Variants in MVP observed in about 807,000 individuals in gnomAD.
MVP encodes the protein lung resistance-related protein.
In MVP, 62 loss-of-function variants were observed where a neutral mutation model predicts 83.5. The ratio of observed to expected loss-of-function variants is 0.74; its 90% confidence interval spans 0.61 to 0.92. MVP has a LOEUF of 0.92. MVP is among the 40% of genes least tolerant of loss of function. The probability of loss-of-function intolerance (pLI) is 0.00; values close to 1 mark genes in which losing one functional copy is unlikely to be tolerated. For missense variants in MVP, 1,000 were observed against 1,203.4 expected (o/e 0.83, Z 2.50); for synonymous variants, 505 against 504.1 (o/e 1.00, Z -0.02).
intron 1 of MVP, chr16:29,830,048 G>C (rs1028490984): frequency 6.4e-6 from 1 of 155,736 alleles, no homozygotes; most frequent in African/African-American, 2.4e-5. Context: ...CTGAAATAAA[G>C]GGCTGCCTCC....
At chr16:29,842,800 G>C (rs2067545823) in intron 10 of MVP, among the ~76,000 whole-genome samples, 2 of 152,214 alleles carry the variant, frequency 1.3e-5, no homozygotes, top group African/African-American at 4.8e-5. Context: ...TCCAGGGAAG[G>C]CGTGGGCTCA....
intron 10 of MVP, among the ~76,000 whole-genome samples, chr16:29,842,340 T>C (rs938161473): frequency 2.0e-5 from 3 of 152,106 alleles, no homozygotes; most frequent in Admixed American, 6.6e-5. Context: ...AGTTTCACTC[T>C]TGTTGCCCAG....
chr16:29,843,016 G>A (rs983553920), intron 10 of MVP, among the ~76,000 whole-genome samples: 2 of 152,230 alleles, frequency 1.3e-5, no homozygotes, highest in Non-Finnish European at 2.9e-5. Context: ...GCTGTTTGCA[G>A]CCTGTGGACC....
Position 29,845,886 on chromosome 16 carries a change from AG to A in MVP, c.2047del (p.Glu683LysfsTer30), listed in dbSNP as rs1267239845. On this transcript the variant is annotated frameshift_variant, in exon 12 of 15. Coordinates refer to ENST00000357402, the MANE Select transcript of MVP (RefSeq NM_005115.5). LOFTEE classifies it high-confidence loss of function. ...AAKHEAQRLE[Q>X]EARGRLERQK... ...AGGCATGAGGCTCAGAGACTGGAGCAGGAAGCCCGCGGCCGGCTTGAGCGGC... is the reference window on the plus strand; with the variant it reads ...AGGCATGAGGCTCAGAGACTGGAGCAGAAGCCCGCGGCCGGCTTGAGCGGC... 1.2e-6 allele frequency: 2 copies of A among 1,614,066 alleles called. No individual in the cohort carries two copies. Among genetic ancestry groups the A allele is most frequent in the Non-Finnish European group, 1.7e-6 (2 of 1,179,942 alleles).
intron 13 of MVP, 152 bp downstream of exon 13, chr16:29,846,436 A>T: frequency 8.1e-7 from 1 of 1,233,638 alleles, no homozygotes; most frequent in Non-Finnish European, 1.1e-6. Context: ...GCCTTGTAGG[A>T]TTCATTGACT....
Position 29,841,757 on chromosome 16 carries a change from C to T in MVP, c.1353C>T (p.Pro451=), listed in dbSNP as rs778668067. ...CTAAGAGCCTCCAGCCCTTGGCGCC[C>T]CGGAACAAGACCCGTGTGGTCAGCT... The part of the protein sequence containing the change: ...DTAKSLQPLA[P]RNKTRVVSYR... The change falls in exon 9 of 15, where the codon CCC becomes CCT. Residue 451 remains proline (P), a synonymous_variant. Coordinates refer to ENST00000357402, the MANE Select transcript of MVP (RefSeq NM_005115.5). The surrounding 1 kb of genome is among the most constrained non-coding windows in gnomAD (Gnocchi z 4.7). 3 of 1,613,576 alleles carry T rather than the reference C, an allele frequency of 1.9e-6. No individual in the cohort carries two copies. Among genetic ancestry groups the T allele is most frequent in the Non-Finnish European group, 2.5e-6 (3 of 1,179,918 alleles).
chr16:29,843,532 G>A (rs2067552040), intron 10 of MVP, among the ~76,000 whole-genome samples: 1 of 35,320 alleles, frequency 2.8e-5, no homozygotes, highest in Non-Finnish European at 6.1e-5. Context: ...AAGGGAGGAA[G>A]GGAGGAAGGG....
Position 29,836,713 on chromosome 16 carries a change from G to C in MVP, c.673-9G>C. On this transcript the variant is annotated splice_polypyrimidine_tract_variant and intron_variant, in intron 6 of 14. Coordinates refer to ENST00000357402, the MANE Select transcript of MVP (RefSeq NM_005115.5). ...AGGTCACTCAAATACCCAACATGTTGCTCTGCAGACAGCCCTGCACCTCCG... is the reference window on the plus strand; with the variant it reads ...AGGTCACTCAAATACCCAACATGTTCCTCTGCAGACAGCCCTGCACCTCCG... The C allele has an allele frequency of 6.4e-7, 1 of 1,553,452 alleles. No homozygotes were observed. The highest frequency in any genetic ancestry group is 8.7e-7 in the Non-Finnish European group (1 of 1,144,500).
chr16:29,840,052 G>C, intron 7 of MVP, 126 bp from the exon 8 acceptor site: 2 of 927,170 alleles, frequency 2.2e-6, no homozygotes, highest in Admixed American at 2.7e-5. Flanking sequence ...TGATGTGGGG[G>C]TGGGGGCGGG....
Position 29,847,335 on chromosome 16 carries a change from A to T in MVP, c.2404A>T (p.Ile802Leu). Residue 802 changes from isoleucine to leucine, a missense_variant, in exon 14 of 15, where the codon ATA becomes TTA. Coordinates refer to ENST00000357402, the MANE Select transcript of MVP (RefSeq NM_005115.5). ...VKKFKQMTEA[I>L]GPSTIRDLAV... The stretch of plus-strand genomic sequence containing the variant: ...GAAGTTCAAGCAGATGACAGAGGCC[A>T]TAGGCCCCAGCACCATCAGGGACCT... The T allele has an allele frequency of 3.7e-6, 6 of 1,605,490 alleles. No homozygotes were observed. The highest frequency in any genetic ancestry group is 5.1e-6 in the Non-Finnish European group (6 of 1,176,598).
chr16:29,829,075 T>A (rs1243833196), intron 1 of MVP, among the ~76,000 whole-genome samples: 1 of 145,600 alleles, frequency 6.9e-6, no homozygotes, highest in Non-Finnish European at 1.5e-5. Context: ...AGGAACCACT[T>A]TTTTTTTTTT....
chr16:29,836,971 C>T lies in MVP; in HGVS notation c.909+13C>T. 6.2e-7 allele frequency: 1 copy of T among 1,600,410 alleles called. No homozygotes were observed. Among genetic ancestry groups the T allele is most frequent in the East Asian group, 2.2e-5 (1 of 44,668 alleles). On this transcript the variant is annotated intron_variant, in intron 7 of 14. Coordinates refer to ENST00000357402, the MANE Select transcript of MVP (RefSeq NM_005115.5). ...GCGCGTGGTCAAGGTGAGGTCCCTA[C>T]ACCCCCACAGAGGACTGCCCTGGGA...
rs768962832 is a variant in MVP, at chr16:29,841,759, G to A, written c.1355G>A (p.Arg452Gln). Residue 452 changes from arginine to glutamine, a missense_variant, in exon 9 of 15, where the codon CGG becomes CAG. Coordinates refer to ENST00000357402, the MANE Select transcript of MVP (RefSeq NM_005115.5). The surrounding 1 kb of genome is among the most constrained non-coding windows in gnomAD (Gnocchi z 4.7). ...AAGAGCCTCCAGCCCTTGGCGCCCC[G>A]GAACAAGACCCGTGTGGTCAGCTAC... ...TAKSLQPLAP[R>Q]NKTRVVSYRV... 4.1e-5 allele frequency: 66 copies of A among 1,613,542 alleles called. No homozygotes were observed. The highest frequency in any genetic ancestry group is 8.8e-5 in the South Asian group (8 of 91,026).
chr16:29,845,530 G>A lies in MVP; in HGVS notation c.2022-333G>A, dbSNP rs1223768541. Among the ~76,000 whole-genome samples, 5 of 152,164 alleles carry A rather than the reference G, an allele frequency of 3.3e-5. No homozygotes were observed. In the East Asian group the frequency reaches 9.7e-4, roughly 29 times the overall value. On this transcript the variant is annotated intron_variant, in intron 11 of 14. Coordinates refer to ENST00000357402, the MANE Select transcript of MVP (RefSeq NM_005115.5). ...CTTCAGCCCAAAGATCCCCTCCTTG[G>A]GGAACACTTTTCTTTCTCTCACAGC...
intron 11 of MVP, 31 bp from the exon 12 acceptor site, chr16:29,845,832 C>T (rs1328125807): frequency 1.2e-6 from 2 of 1,601,562 alleles, no homozygotes; most frequent in Non-Finnish European, 1.7e-6. Context: ...GGCCCCATGC[C>T]AGCCTCTCAC....
intron 1 of MVP, among the ~76,000 whole-genome samples, chr16:29,823,706 T>C (rs1369303417): frequency 6.6e-6 from 1 of 151,582 alleles, no homozygotes; most frequent in Non-Finnish European, 1.5e-5. Context: ...ACAAAAAAAA[T>C]TAGCTAGGCG....
intron 7 of MVP, among the ~76,000 whole-genome samples, chr16:29,837,677 C>G (rs967956881): frequency 6.6e-6 from 1 of 151,996 alleles, no homozygotes; most frequent in South Asian, 2.1e-4. Context: ...TCACTTGAAC[C>G]CTGGAGATCA....
intron 7 of MVP, 80 bp from the exon 8 acceptor site, chr16:29,840,098 C>G: frequency 6.9e-7 from 1 of 1,440,932 alleles, no homozygotes; most frequent in South Asian, 1.4e-5. Flanking sequence ...AGGCCTGAAA[C>G]AGCACAGGAC....
At chr16:29,846,567 C>T (rs1181542293) in intron 13 of MVP, among the ~76,000 whole-genome samples, 1 of 152,164 alleles carries the variant, frequency 6.6e-6, no homozygotes, top group African/African-American at 2.4e-5. Context: ...GCTTGAAATC[C>T]CATTAAGAGG....
Sources: allele counts gnomAD v4.1 joint callset (sites outside exome capture counted in the v4.1 genomes callset), GRCh38; gene constraint gnomAD v4.1.1; non-coding constraint Gnocchi (gnomAD v3.1); transcripts MANE v1.5; gene names NCBI Gene and HGNC (gene_info 2026-07-23, HGNC 2026-07-21).